The following MDGA2 variants were observed in gnomAD, a reference collection of about 807,000 sequenced individuals.
MDGA2 encodes MAM domain containing glycosylphosphatidylinositol anchor 2, also known as MAM domain-containing glycosylphosphatidylinositol anchor protein 2.
Under a neutral mutation model 117.8 loss-of-function variants are expected in MDGA2, and 40 were observed. The ratio of observed to expected loss-of-function variants is 0.34; its 90% CI spans 0.26 to 0.44. The LOEUF is 0.44. Among genes scored for constraint, MDGA2 ranks in the 20% least tolerant of loss-of-function variants. The pLI, the probability that MDGA2 is intolerant of heterozygous loss-of-function variation, is 1.00. For missense variants in MDGA2, 1,123 were observed against 1,250.6 expected, an observed-to-expected ratio of 0.90 and a Z score of 1.54; for synonymous variants, 452 against 439.0, an observed-to-expected ratio of 1.03 and a Z score of -0.37.
intron 6 of MDGA2, among the ~76,000 whole-genome samples, chr14:47,095,870 A>G (rs934129078): frequency 2.0e-5 from 3 of 152,050 alleles, no homozygotes; most frequent in African/African-American, 7.2e-5. Context: ...TGCTTCCATC[A>G]TAAGTAATTT....
intron 1 of MDGA2, among the ~76,000 whole-genome samples, chr14:47,429,489 T>C (rs888928190): frequency 6.6e-6 from 1 of 152,110 alleles, no homozygotes; most frequent in Non-Finnish European, 1.5e-5. Context: ...ATGGCATTCT[T>C]CTCTCATAGC....
intron 1 of MDGA2, among the ~76,000 whole-genome samples, chr14:47,564,740 C>T (rs983275343): frequency 6.6e-6 from 1 of 152,180 alleles, no homozygotes; most frequent in Non-Finnish European, 1.5e-5. Flanking sequence ...CCCTCTCTGT[C>T]GGGGATGTCA....
chr14:47,284,027 A>G (rs1391060036), intron 2 of MDGA2, among the ~76,000 whole-genome samples: 2 of 152,218 alleles, frequency 1.3e-5, no homozygotes, highest in East Asian at 3.8e-4. Flanking sequence ...TCTGTCCCCA[A>G]CAATCTAGGT....
chr14:46,968,924 T>A (rs1366268009), intron 8 of MDGA2, among the ~76,000 whole-genome samples: 2 of 151,702 alleles, frequency 1.3e-5, no homozygotes, highest in East Asian at 3.9e-4. Flanking sequence ...ATCAGTAGTG[T>A]TTCTATATAC....
intron 9 of MDGA2, among the ~76,000 whole-genome samples, chr14:46,930,985 G>C (rs12885936): frequency 6.6e-6 from 1 of 151,904 alleles, no homozygotes; most frequent in Admixed American, 6.6e-5. Context: ...GGGAGGCCGA[G>C]GCGGGCGGAT....
intron 1 of MDGA2, among the ~76,000 whole-genome samples, chr14:47,347,249 C>T (rs57619035): frequency 0.034 from 5,212 of 152,148 alleles, 296 homozygotes; most frequent in African/African-American, 0.12. Flanking sequence ...TCACACGTAA[C>T]GGTTTCAATA....
chr14:47,509,463 C>T (rs1462020193), intron 1 of MDGA2, among the ~76,000 whole-genome samples: 1 of 152,094 alleles, frequency 6.6e-6, no homozygotes, highest in Non-Finnish European at 1.5e-5. Context: ...AGGAGCTGTG[C>T]CCAGCAGAGC....
At chr14:47,065,485 C>T (rs1890046777) in intron 6 of MDGA2, among the ~76,000 whole-genome samples, 1 of 152,146 alleles carries the variant, frequency 6.6e-6, no homozygotes, top group Non-Finnish European at 1.5e-5. Context: ...AACTAGATTA[C>T]ATCTTGAGCA....
At chr14:47,635,990 T>C (rs1030048285) in intron 1 of MDGA2, among the ~76,000 whole-genome samples, 1 of 152,120 alleles carries the variant, frequency 6.6e-6, no homozygotes, top group Non-Finnish European at 1.5e-5. Flanking sequence ...CATTTGCAAA[T>C]CTTCATTCAA....
intron 8 of MDGA2, among the ~76,000 whole-genome samples, chr14:46,970,978 C>T (rs1427233396): frequency 2.0e-5 from 3 of 151,808 alleles, no homozygotes; most frequent in Non-Finnish European, 2.9e-5. Context: ...AAATCAAAAC[C>T]ACAATTACCT....
At chr14:46,911,011 G>A (rs1385534736) in intron 10 of MDGA2, among the ~76,000 whole-genome samples, 6 of 152,158 alleles carry the variant, frequency 3.9e-5, no homozygotes, top group South Asian at 2.1e-4. Context: ...GAGGTTGGGC[G>A]GAGGAAGAAA....
chr14:47,263,638 C>G (rs530285012), intron 2 of MDGA2, among the ~76,000 whole-genome samples: 5 of 152,074 alleles, frequency 3.3e-5, no homozygotes, highest in Non-Finnish European at 7.4e-5. Flanking sequence ...CTGCATTGGA[C>G]TTTCTTAGGC....
Position 47,235,411 on chromosome 14 carries a change from A to G in MDGA2, c.421-17216T>C, listed in dbSNP as rs1886824478. Among the ~76,000 whole-genome samples the G allele has an allele frequency of 2.0e-5, 3 of 152,248 alleles. No individual in the cohort carries two copies. In the South Asian group the frequency reaches 6.2e-4, roughly 32 times the overall value. On this transcript the variant is annotated intron_variant, in intron 2 of 16. Coordinates refer to ENST00000399232, the MANE Select transcript of MDGA2 (RefSeq NM_001113498.3). ...TTTTTAGAAACTCATCCTCGAAAGAATAATGTGAACAACTAATGGCAATTC... is the reference window on the plus strand; with the variant it reads ...TTTTTAGAAACTCATCCTCGAAAGAGTAATGTGAACAACTAATGGCAATTC...
At chr14:47,515,521 A>C (rs898596217) in intron 1 of MDGA2, among the ~76,000 whole-genome samples, 1 of 152,142 alleles carries the variant, frequency 6.6e-6, no homozygotes, top group Non-Finnish European at 1.5e-5. Context: ...AGAATCAATG[A>C]CTATCCAGTG....
At chr14:47,578,630 G>GA (rs1339836403) in intron 1 of MDGA2, among the ~76,000 whole-genome samples, 1 of 152,026 alleles carries the variant, frequency 6.6e-6, no homozygotes, top group Non-Finnish European at 1.5e-5. Context: ...TCAAATAATG[G>GA]AAAAACAGCA....
intron 3 of MDGA2, among the ~76,000 whole-genome samples, chr14:47,212,535 TTAAC>T (rs1462329953): frequency 1.3e-5 from 2 of 152,192 alleles, no homozygotes; most frequent in East Asian, 1.9e-4. Context: ...GCATCTCCTC[TTAAC>T]TATTTATAAA....
intron 1 of MDGA2, among the ~76,000 whole-genome samples, chr14:47,540,563 T>TATATATATATATATATATAAACAC: frequency 8.9e-6 from 1 of 112,544 alleles, no homozygotes; most frequent in African/African-American, 2.9e-5. Context: ...TGTATATATA[T>TATATATATATATATATATAAACAC]ACACACACAC....
chr14:47,067,516 T>A (rs188457987), intron 6 of MDGA2, among the ~76,000 whole-genome samples: 2 of 152,320 alleles, frequency 1.3e-5, no homozygotes, highest in African/African-American at 4.8e-5. Flanking sequence ...TTTAAGTTAA[T>A]AAGTAATGGT....
chr14:46,857,380 A>T (rs894199148), intron 14 of MDGA2, among the ~76,000 whole-genome samples: 24 of 151,304 alleles, frequency 1.6e-4, no homozygotes, highest in Admixed American at 1.1e-3. Context: ...GAGGTTTAGA[A>T]TTCAGGCGGG....
Sources: allele counts gnomAD v4.1 joint callset (sites outside exome capture counted in the v4.1 genomes callset), GRCh38; gene constraint gnomAD v4.1.1; transcripts MANE v1.5; gene names NCBI Gene and HGNC (gene_info 2026-07-23, HGNC 2026-07-21).